The following CDH13 variants were observed in gnomAD, a reference collection of about 807,000 sequenced individuals.
The protein encoded by CDH13 is cadherin-13.
Under a neutral mutation model 63.8 loss-of-function variants are expected in CDH13, and 24 were observed. The ratio of observed to expected loss-of-function variants is 0.38; its 90% CI spans 0.27 to 0.53. The LOEUF (loss-of-function observed/expected upper bound fraction) is 0.53, where lower values mean the gene tolerates loss of function less well. Among genes scored for constraint, CDH13 ranks in the 20% least tolerant of loss-of-function variants. CDH13 has a pLI of 0.85. For synonymous variants in CDH13, 503 were observed against 355.3 expected (o/e 1.42, Z -4.67); for missense variants, 1,049 against 903.1 (o/e 1.16, Z -2.07).
chr16:83,241,630 C>G (rs1904459174), intron 5 of CDH13, among the ~76,000 whole-genome samples: 1 of 152,116 alleles, frequency 6.6e-6, no homozygotes. Flanking sequence ...TGTATAACTT[C>G]CTTGGAGAAT....
chr16:83,048,965 C>T (rs1180698355), intron 3 of CDH13, among the ~76,000 whole-genome samples: 1 of 152,126 alleles, frequency 6.6e-6, no homozygotes, highest in Admixed American at 6.6e-5. Context: ...GAGCTCCTGT[C>T]CTCAACATTT....
intron 1 of CDH13, among the ~76,000 whole-genome samples, chr16:82,735,680 C>G (rs1326046083): frequency 6.6e-6 from 1 of 152,164 alleles, no homozygotes; most frequent in African/African-American, 2.4e-5. Context: ...TAAATGGATT[C>G]CAGCTTCATT....
intron 1 of CDH13, among the ~76,000 whole-genome samples, chr16:82,706,269 C>T (rs531753529): frequency 1.3e-5 from 2 of 152,216 alleles, no homozygotes; most frequent in African/African-American, 4.8e-5. Flanking sequence ...ATGTGGTTCC[C>T]GTTACATGAT....
In CDH13 at chr16:83,296,714, G is replaced by A. The variant is rs144539718; in HGVS notation, c.637-48148G>A. On this transcript the variant is annotated intron_variant, in intron 5 of 13. Transcript: ENST00000567109. ...AGGCAGGGTTAATGATTTCATAATG[G>A]TGAACTTTTGCCAATCTCACTACTA... Among the ~76,000 whole-genome samples, 595 of 152,238 alleles carry A rather than the reference G, an allele frequency of 3.9e-3. 4 individuals are homozygous for A. Among genetic ancestry groups the A allele is most frequent in the African/African-American group, 0.01 (434 of 41,550 alleles).
chr16:83,742,936 G>A (rs418651), intron 10 of CDH13, among the ~76,000 whole-genome samples: 149,179 of 152,324 alleles, frequency 0.98, 73,135 homozygotes, highest in Middle Eastern at 1. Flanking sequence ...GGCCAGGTGC[G>A]GTGGCTCATG....
chr16:83,483,937 G>C (rs1303526331), intron 6 of CDH13, among the ~76,000 whole-genome samples: 2 of 152,140 alleles, frequency 1.3e-5, no homozygotes, highest in Non-Finnish European at 2.9e-5. Context: ...TCCAGAGACA[G>C]GGGGGCTGCA....
At chr16:83,177,374 C>T (rs117832645) in intron 4 of CDH13, among the ~76,000 whole-genome samples, 5 of 152,184 alleles carry the variant, frequency 3.3e-5, no homozygotes, top group African/African-American at 9.6e-5. Context: ...CCCAGGTCTG[C>T]TACAGCACAA....
intron 10 of CDH13, among the ~76,000 whole-genome samples, chr16:83,746,021 C>T (rs1299603591): frequency 1.3e-5 from 2 of 152,208 alleles, no homozygotes; most frequent in Non-Finnish European, 2.9e-5. Context: ...CCTGACTCTA[C>T]GATTTGCGTA....
chr16:83,453,492 G>A (rs572762479), intron 6 of CDH13, among the ~76,000 whole-genome samples: 17 of 152,110 alleles, frequency 1.1e-4, no homozygotes, highest in South Asian at 8.3e-4. Context: ...ACTTAGCATC[G>A]TGTCTGACAT....
At chr16:83,116,733 C>G (rs966610972) in intron 3 of CDH13, among the ~76,000 whole-genome samples, 1 of 152,246 alleles carries the variant, frequency 6.6e-6, no homozygotes, top group East Asian at 1.9e-4. Flanking sequence ...CTAACAATCA[C>G]TGTGTTACAC....
chr16:83,172,555 C>G (rs746050184), intron 4 of CDH13, among the ~76,000 whole-genome samples: 2 of 151,048 alleles, frequency 1.3e-5, no homozygotes, highest in Non-Finnish European at 3.0e-5. Context: ...TCTATAAGCC[C>G]AAAAATGCCA....
chr16:82,813,022 A>G (rs2037523603), intron 1 of CDH13, among the ~76,000 whole-genome samples: 1 of 152,156 alleles, frequency 6.6e-6, no homozygotes, highest in Non-Finnish European at 1.5e-5. Flanking sequence ...GAATCAATGA[A>G]AAACTGAGTC....
intron 6 of CDH13, among the ~76,000 whole-genome samples, chr16:83,419,220 G>A (rs2071642039): frequency 6.6e-6 from 1 of 152,120 alleles, no homozygotes; most frequent in African/African-American, 2.4e-5. Flanking sequence ...AGATTTTTGA[G>A]TCTACATATA....
chr16:83,454,712 T>C lies in CDH13; in HGVS notation c.782-31765T>C, dbSNP rs529919880. On this transcript the variant is annotated intron_variant, in intron 6 of 13. Coordinates refer to ENST00000567109, the MANE Select transcript of CDH13 (RefSeq NM_001257.5). ...TATGTAGAACCTAAATATGTTCTAT[T>C]GATTTTTTTTTTTTGATATAGAGTC... 2.7e-4 allele frequency among the ~76,000 whole-genome samples: 16 copies of C among 58,800 alleles called. No homozygotes were observed. The East Asian group carries it at 9.9e-3, about 36-fold the overall frequency. 38.6% of individuals were successfully genotyped at this position (58,800 alleles called of 152,430 possible). A position where few individuals can be genotyped will look rare whatever the true frequency, so the allele number is the denominator to read the frequency against.
At position 83,044,519 on chromosome 16, in the gene CDH13, G is replaced by A. The variant is rs1322833215; in HGVS notation, c.366+12301G>A. ...AAAAAGAACCTTGTGGAAACAGCACGAGGTGTCTAAATGTAAATTTCTCCC... is the reference window on the plus strand; with the variant it reads ...AAAAAGAACCTTGTGGAAACAGCACAAGGTGTCTAAATGTAAATTTCTCCC... On this transcript the variant is annotated intron_variant, in intron 3 of 13. Transcript: ENST00000567109. 2.6e-5 allele frequency among the ~76,000 whole-genome samples: 4 copies of A among 152,198 alleles called. No homozygotes were observed. The South Asian group carries it at 6.2e-4, about 24-fold the overall frequency.
intron 5 of CDH13, among the ~76,000 whole-genome samples, chr16:83,323,471 C>T (rs1042801961): frequency 2.9e-5 from 4 of 137,142 alleles, no homozygotes; most frequent in African/African-American, 1.0e-4. Flanking sequence ...AGTATAAATA[C>T]GGTTTCACCA....
chr16:82,831,556 G>C (rs1282871322), intron 1 of CDH13, among the ~76,000 whole-genome samples: 3 of 152,100 alleles, frequency 2.0e-5, no homozygotes, highest in Admixed American at 1.3e-4. Context: ...TGACAATAAA[G>C]GGGCTGAGGT....
chr16:82,656,791 A>G (rs1008921259), intron 1 of CDH13, among the ~76,000 whole-genome samples: 1 of 152,090 alleles, frequency 6.6e-6, no homozygotes, highest in Non-Finnish European at 1.5e-5. Flanking sequence ...TTCTATTTCC[A>G]TAGCTTTGCC....
chr16:83,778,292 G>A (rs548807970), intron 11 of CDH13, among the ~76,000 whole-genome samples: 1 of 152,350 alleles, frequency 6.6e-6, no homozygotes, highest in East Asian at 1.9e-4. Context: ...CACATTGGGA[G>A]GCCGAGGCAG....
Sources: allele counts gnomAD v4.1 joint callset (sites outside exome capture counted in the v4.1 genomes callset), GRCh38; gene constraint gnomAD v4.1.1; transcripts MANE v1.5; gene names NCBI Gene and HGNC (gene_info 2026-07-23, HGNC 2026-07-21).